Variants in MYRIP observed in about 807,000 individuals in gnomAD.
MYRIP encodes myosin VIIA and Rab interacting protein.
In MYRIP, 49 loss-of-function variants were observed where a neutral mutation model predicts 98.0. The observed-to-expected ratio is 0.50, with a 90% CI of 0.40 to 0.63. The LOEUF (loss-of-function observed/expected upper bound fraction) is 0.63. MYRIP is among the 30% of genes least tolerant of loss of function. MYRIP has a pLI of 0.00. For missense variants in MYRIP, 1,004 were observed against 1,058.2 expected, an observed-to-expected ratio of 0.95 and a Z score of 0.71; for synonymous variants, 404 against 409.5, an observed-to-expected ratio of 0.99 and a Z score of 0.16.
intron 3 of MYRIP, among the ~76,000 whole-genome samples, chr3:40,118,498 G>A (rs949612587): frequency 1.3e-5 from 2 of 151,746 alleles, no homozygotes; most frequent in Non-Finnish European, 2.9e-5. Flanking sequence ...GTCATAAAGT[G>A]AAAATGCCTG....
intron 3 of MYRIP, among the ~76,000 whole-genome samples, chr3:40,077,744 C>G (rs1195449313): frequency 6.6e-6 from 1 of 152,260 alleles, no homozygotes; most frequent in East Asian, 1.9e-4. Flanking sequence ...ATTCACAAAC[C>G]CTGAGCTAGA....
At chr3:39,825,684 C>T (rs1167473266) in intron 1 of MYRIP, among the ~76,000 whole-genome samples, 1 of 152,124 alleles carries the variant, frequency 6.6e-6, no homozygotes, top group Non-Finnish European at 1.5e-5. Flanking sequence ...CAGGGCTATG[C>T]TGGCCTGGCA....
chr3:40,243,031 G>C (rs1250937229), intron 12 of MYRIP, among the ~76,000 whole-genome samples: 1 of 152,072 alleles, frequency 6.6e-6, no homozygotes, highest in East Asian at 1.9e-4. Context: ...AGATCTCTTA[G>C]AAACAGAATT....
intron 10 of MYRIP, among the ~76,000 whole-genome samples, chr3:40,205,650 C>T (rs541169263): frequency 6.6e-6 from 1 of 152,212 alleles, no homozygotes; most frequent in South Asian, 2.1e-4. Flanking sequence ...CCACCGCCTC[C>T]CACCCTCCCT....
rs1949446623 is a variant in MYRIP, at chr3:40,123,387, GA to G, written c.333-27660del. 2.0e-5 allele frequency among the ~76,000 whole-genome samples: 3 copies of G among 152,338 alleles called. No homozygotes were observed. The South Asian group carries it at 6.2e-4, about 32-fold the overall frequency. On this transcript the variant is annotated intron_variant, in intron 3 of 16. Coordinates refer to ENST00000302541, the MANE Select transcript of MYRIP (RefSeq NM_015460.4). ...CATTTCCAAACATGGGCAGTTCTCT[GA>G]CTGAAAATGGGGCCTCAGCTGGGAG...
At position 40,140,212 on chromosome 3, in the gene MYRIP, T is replaced by C. The variant is rs1470543728; in HGVS notation, c.333-10836T>C. ...TTACTGTACTGTATAGTAACCAGTATATATTTAACTTTGTAAGGATTCACC... is the reference window on the plus strand; with the variant it reads ...TTACTGTACTGTATAGTAACCAGTACATATTTAACTTTGTAAGGATTCACC... On this transcript the variant is annotated intron_variant, in intron 3 of 16. Transcript: ENST00000302541. Among the ~76,000 whole-genome samples, 6 of 152,214 alleles carry C rather than the reference T, an allele frequency of 3.9e-5. No individual in the cohort carries two copies. In the East Asian group the frequency reaches 7.7e-4, roughly 20 times the overall value.
intron 1 of MYRIP, among the ~76,000 whole-genome samples, chr3:39,815,979 C>T (rs1940891487): frequency 1.4e-5 from 2 of 147,774 alleles, no homozygotes; most frequent in Non-Finnish European, 3.0e-5. Context: ...GCTATAATAT[C>T]AATTCATTTT....
intron 1 of MYRIP, among the ~76,000 whole-genome samples, chr3:39,850,153 G>C (rs1431886910): frequency 3.3e-5 from 5 of 152,190 alleles, no homozygotes; most frequent in Non-Finnish European, 7.3e-5. Flanking sequence ...AGCTCTATTT[G>C]TAACCGCATG....
chr3:40,000,392 A>G (rs558650071), intron 2 of MYRIP, among the ~76,000 whole-genome samples: 74 of 152,250 alleles, frequency 4.9e-4, no homozygotes, highest in African/African-American at 1.7e-3. Context: ...TCATGCTGCA[A>G]ACAGCATCTA....
At chr3:40,253,039 T>C (rs1953430252) in intron 16 of MYRIP, among the ~76,000 whole-genome samples, 1 of 152,188 alleles carries the variant, frequency 6.6e-6, no homozygotes, top group Admixed American at 6.5e-5. Context: ...TTAATGTAAG[T>C]AACATGAAGA....
intron 1 of MYRIP, among the ~76,000 whole-genome samples, chr3:39,831,154 C>G (rs980736636): frequency 6.6e-6 from 1 of 152,056 alleles, no homozygotes; most frequent in African/African-American, 2.4e-5. Context: ...TTCTGCTTGA[C>G]CTCTTAGTGT....
chr3:39,960,897 C>T (rs1945307066), intron 2 of MYRIP, among the ~76,000 whole-genome samples: 1 of 152,154 alleles, frequency 6.6e-6, no homozygotes, highest in Non-Finnish European at 1.5e-5. Context: ...ATACCTCCCC[C>T]TCATGAGTGT....
chr3:40,214,663 A>T (rs538435062), intron 11 of MYRIP, among the ~76,000 whole-genome samples: 25 of 152,166 alleles, frequency 1.6e-4, no homozygotes, highest in Non-Finnish European at 2.9e-4. Flanking sequence ...TTCTTCTTTA[A>T]GTAATAACTT....
chr3:39,815,159 T>C (rs1940857355), intron 1 of MYRIP, among the ~76,000 whole-genome samples: 1 of 152,156 alleles, frequency 6.6e-6, no homozygotes. Flanking sequence ...AGCAGTCATT[T>C]CTCAGTTCTT....
chr3:40,182,458 GCTCTTCTTCCCATAAGTCTGAA>G, intron 9 of MYRIP, 85 bp downstream of exon 9: 1 of 1,460,956 alleles, frequency 6.8e-7, no homozygotes, highest in Non-Finnish European at 9.3e-7. Flanking sequence ...TGGCCACTCT[GCTCTTCTTCCCATAAGTCTGAA>G]CTGGTGTGTG....
chr3:39,935,126 C>G (rs949437006), intron 2 of MYRIP, among the ~76,000 whole-genome samples: 6 of 152,172 alleles, frequency 3.9e-5, no homozygotes, highest in Admixed American at 1.3e-4. Context: ...TCAGGTGATG[C>G]TTTTTGTGCC....
intron 3 of MYRIP, among the ~76,000 whole-genome samples, chr3:40,061,204 T>C (rs1948006921): frequency 6.6e-6 from 1 of 152,274 alleles, no homozygotes; most frequent in South Asian, 2.1e-4. Context: ...CAGTACCCAA[T>C]AGTTATCTTT....
At chr3:39,866,455 A>C (rs1942628141) in intron 1 of MYRIP, among the ~76,000 whole-genome samples, 2 of 152,144 alleles carry the variant, frequency 1.3e-5, no homozygotes, top group Admixed American at 1.3e-4. Context: ...GGCCATTTAC[A>C]ATCACATCAA....
At chr3:39,911,658 CACTT>C (rs1424344424) in intron 2 of MYRIP, among the ~76,000 whole-genome samples, 3 of 152,340 alleles carry the variant, frequency 2.0e-5, no homozygotes, top group Admixed American at 6.5e-5. Context: ...TAGCTTTTCT[CACTT>C]ACAGTAATTC....
Sources: gnomAD v4.1 joint callset for allele counts (sites outside exome capture counted in the v4.1 genomes callset) on GRCh38, gnomAD v4.1.1 for gene constraint, MANE v1.5 for transcripts, NCBI Gene and HGNC (gene_info 2026-07-23, HGNC 2026-07-21) for gene names.